Variants in SHOX2 observed in about 807,000 individuals in gnomAD.
The protein encoded by SHOX2 is SHOX homeobox 2.
Under a neutral mutation model 31.3 loss-of-function variants are expected in SHOX2, and 13 were observed. The observed-to-expected ratio is 0.42, with a 90% confidence interval of 0.27 to 0.66. SHOX2 has a LOEUF of 0.66. Ranked by LOEUF, SHOX2 falls within the 30% of genes least tolerant of loss-of-function variation. The pLI is 0.27. For synonymous variants in SHOX2, 244 were observed against 196.2 expected (o/e 1.24, Z -2.04); for missense variants, 473 against 443.0 (o/e 1.07, Z -0.61).
At chr3:158,102,118 TCA>T (rs1713529293) in intron 2 of SHOX2, among the ~76,000 whole-genome samples, 2 of 152,236 alleles carry the variant, frequency 1.3e-5, no homozygotes, top group South Asian at 2.1e-4. Context: ...CTCCGCTATT[TCA>T]CACACAGTTT....
At chr3:158,102,298 G>A (rs1159855585) in intron 2 of SHOX2, among the ~76,000 whole-genome samples, 1 of 152,014 alleles carries the variant, frequency 6.6e-6, no homozygotes, top group African/African-American at 2.4e-5. Context: ...ATACTCTTTG[G>A]AACTTTTAAG....
chr3:158,097,772 C>T lies in SHOX2; in HGVS notation c.*255G>A. The T allele has an allele frequency of 3.7e-6, 2 of 544,032 alleles. No homozygotes were observed. The highest frequency in any genetic ancestry group is 6.5e-6 in the Non-Finnish European group (2 of 308,536). The allele number at this position is 544,032 out of a possible 1,614,324, so 33.7% of individuals were successfully genotyped here. A position where few individuals can be genotyped will look rare whatever the true frequency, so the allele number is the denominator to read the frequency against. ...CCAGACTCCCCCAAACCCGCTCCTA[C>T]AAAACCCAATTCTAGGCCCTCGAGT... On this transcript the variant is annotated 3_prime_UTR_variant, in exon 5 of 5. Coordinates refer to ENST00000483851, the MANE Select transcript of SHOX2 (RefSeq NM_001163678.2).
Position 158,106,084 on chromosome 3 carries a change from C to T in SHOX2, c.-60G>A. The T allele has an allele frequency of 2.5e-6, 4 of 1,603,172 alleles. No homozygotes were observed. The highest frequency in any genetic ancestry group is 3.4e-6 in the Non-Finnish European group (4 of 1,174,668). Reference sequence around the variant, plus strand: ...CCAGCAGAGCCCCGCTCTTTTTTTCCTTCTTCTTTTTTTACTGCTCCAGCC... The same window carrying T: ...CCAGCAGAGCCCCGCTCTTTTTTTCTTTCTTCTTTTTTTACTGCTCCAGCC... On this transcript the variant is annotated 5_prime_UTR_variant, in exon 1 of 5. Coordinates refer to ENST00000483851, the MANE Select transcript of SHOX2 (RefSeq NM_001163678.2).
At chr3:158,102,532 A>G (rs1206126202) in intron 2 of SHOX2, 146 bp downstream of exon 2, 1 of 653,298 alleles carries the variant, frequency 1.5e-6, no homozygotes, top group African/African-American at 1.8e-5. Flanking sequence ...ACTTTGGAAA[A>G]TAAGACCTCT....
Position 158,097,380 on chromosome 3 carries a change from T to A in SHOX2, c.*647A>T, listed in dbSNP as rs1451928969. ...GCGCACTTTTTTCATCTTAGTTTTTTAAATAAGTATACCTCTTCTTTCTGC... is the reference window on the plus strand; with the variant it reads ...GCGCACTTTTTTCATCTTAGTTTTTAAAATAAGTATACCTCTTCTTTCTGC... On this transcript the variant is annotated 3_prime_UTR_variant, in exon 5 of 5. Coordinates refer to ENST00000483851, the MANE Select transcript of SHOX2 (RefSeq NM_001163678.2). The A allele has an allele frequency of 3.9e-5, 6 of 152,240 alleles. No individual in the cohort carries two copies. The highest frequency in any genetic ancestry group is 9.7e-5 in the African/African-American group (4 of 41,404). 9.4% of individuals were successfully genotyped at this position (152,240 alleles called of 1,614,324 possible). A position where few individuals can be genotyped will look rare whatever the true frequency, so the allele number is the denominator to read the frequency against.
At chr3:158,103,992 C>G (rs1437529994) in intron 1 of SHOX2, 1 of 152,232 alleles carries the variant, frequency 6.6e-6, no homozygotes, top group Non-Finnish European at 1.5e-5. Flanking sequence ...ATATATATCC[C>G]CCTGGAACCT....
intron 4 of SHOX2, 88 bp downstream of exon 4, chr3:158,099,772 G>T: frequency 1.1e-6 from 1 of 947,238 alleles, no homozygotes; most frequent in Non-Finnish European, 1.7e-6. Flanking sequence ...TTGACATCTG[G>T]GCTCAGAGAC....
At position 158,106,293 on chromosome 3, in the gene SHOX2, G is replaced by A; in HGVS notation, c.-269C>T. On this transcript the variant is annotated 5_prime_UTR_variant, in exon 1 of 5. Coordinates refer to ENST00000483851, the MANE Select transcript of SHOX2 (RefSeq NM_001163678.2). ...GAAGGGTGAAGAGGAGAGGGAGGAG[G>A]AGGAGGAGAAGAGAAGGGGCGGGGG... 4.2e-6 allele frequency: 2 copies of A among 477,134 alleles called. No individual in the cohort carries two copies. Among genetic ancestry groups the A allele is most frequent in the Non-Finnish European group, 7.3e-6 (2 of 274,764 alleles). The allele number at this position is 477,134 out of a possible 1,614,324, so 29.6% of individuals were successfully genotyped here. A position where few individuals can be genotyped will look rare whatever the true frequency, so the allele number is the denominator to read the frequency against.
intron 1 of SHOX2, chr3:158,104,007 C>T (rs780530105): frequency 6.6e-6 from 1 of 152,288 alleles, no homozygotes; most frequent in Non-Finnish European, 1.5e-5. Context: ...GAACCTTTAT[C>T]CTCTGCGCCC....
chr3:158,103,316 G>GC (rs1005397018), intron 1 of SHOX2: 1 of 239,804 alleles, frequency 4.2e-6, no homozygotes, highest in Non-Finnish European at 8.3e-6. Flanking sequence ...TAAGGGCGCG[G>GC]CAAGGCCACC....
rs904241854 is a variant in SHOX2 at position 158,098,284 on chromosome 3, C to A, written c.703G>T (p.Val235Phe). The change falls in exon 5 of 5, where the codon GTT (valine) becomes TTT (phenylalanine). Residue 235 changes from valine to phenylalanine, a missense_variant and splice_region_variant. Physicochemically the swap from Val to Phe is conservative, Grantham distance 50. Coordinates refer to ENST00000483851, the MANE Select transcript of SHOX2 (RefSeq NM_001163678.2). ...VGALRMPFQQVQAQLQLDSAV... is the reference protein window; with the variant it reads ...VGALRMPFQQFQAQLQLDSAV... ...CTGTCCAGCTGCAGCTGCGCCTGAA[C>A]CTGAAAGGACAAGGGCGTCACGTTG... is the stretch of plus-strand genomic sequence containing the variant. 1 of 1,613,420 alleles carries A rather than the reference C, an allele frequency of 6.2e-7. No individual in the cohort carries two copies. Among genetic ancestry groups the A allele is most frequent in the Non-Finnish European group, 8.5e-7 (1 of 1,179,654 alleles).
intron 2 of SHOX2, among the ~76,000 whole-genome samples, chr3:158,101,815 A>C (rs1713510917): frequency 1.3e-5 from 2 of 152,230 alleles, no homozygotes; most frequent in Admixed American, 1.3e-4. Flanking sequence ...ATACAATCTG[A>C]AACATTTAAA....
At chr3:158,102,115 A>G (rs779505975) in intron 2 of SHOX2, among the ~76,000 whole-genome samples, 4 of 152,236 alleles carry the variant, frequency 2.6e-5, no homozygotes, top group Non-Finnish European at 5.9e-5. Flanking sequence ...TTTCTCCGCT[A>G]TTTCACACAC....
At chr3:158,104,785 C>G (rs925136578) in intron 1 of SHOX2, among the ~76,000 whole-genome samples, 1 of 152,188 alleles carries the variant, frequency 6.6e-6, no homozygotes, top group African/African-American at 2.4e-5. Flanking sequence ...ATATGTGATT[C>G]CACGCATGCC....
rs1283018700 is a variant in SHOX2, at chr3:158,106,114, C to A, written c.-90G>T. The A allele has an allele frequency of 1.9e-6, 3 of 1,572,604 alleles. No individual in the cohort carries two copies. The highest frequency in any genetic ancestry group is 2.6e-6 in the Non-Finnish European group (3 of 1,159,956). On this transcript the variant is annotated 5_prime_UTR_variant, in exon 1 of 5. Coordinates refer to ENST00000483851, the MANE Select transcript of SHOX2 (RefSeq NM_001163678.2). ...TCTTTTTTTACTGCTCCAGCCCCCC[C>A]AATAATAACACATCAATGGGACAGG...
intron 2 of SHOX2, 40 bp downstream of exon 2, chr3:158,102,638 C>T (rs761989875): frequency 3.2e-6 from 5 of 1,571,812 alleles, no homozygotes; most frequent in Non-Finnish European, 4.4e-6. Flanking sequence ...CCCAGGCTCT[C>T]TCTGCTCCCT....
At chr3:158,105,241 T>C (rs1231597585) in intron 1 of SHOX2, 3 of 691,910 alleles carry the variant, frequency 4.3e-6, no homozygotes, top group Non-Finnish European at 7.8e-6. Flanking sequence ...GGGTTAAGCT[T>C]TCCACCTCTG....
intron 1 of SHOX2, chr3:158,104,979 T>A: frequency 2.4e-6 from 2 of 817,214 alleles, no homozygotes; most frequent in Non-Finnish European, 4.1e-6. Flanking sequence ...GAGTACTGGG[T>A]GATTGAAAAC....
Position 158,097,128 on chromosome 3 carries a change from T to C in SHOX2, c.*899A>G, listed in dbSNP as rs985813240. On this transcript the variant is annotated 3_prime_UTR_variant, in exon 5 of 5. Transcript: ENST00000483851. ...AGCAGTCCAGACAGTTTTGCCATAA[T>C]AATTTCTCAGAGAAATCATTGTCTG... 6 of 152,120 alleles carry C rather than the reference T, an allele frequency of 3.9e-5. No individual in the cohort carries two copies. The highest frequency in any genetic ancestry group is 1.5e-4 in the African/African-American group (6 of 41,308). The allele number at this position is 152,120 out of a possible 1,614,324, so 9.4% of individuals were successfully genotyped here.
Sources: gnomAD v4.1 joint callset for allele counts (sites outside exome capture counted in the v4.1 genomes callset) on GRCh38, gnomAD v4.1.1 for gene constraint, MANE v1.5 for transcripts, NCBI Gene and HGNC (gene_info 2026-07-23, HGNC 2026-07-21) for gene names.